Variants in TMEM268 observed in about 807,000 individuals in gnomAD.
TMEM268 encodes transmembrane protein 268, also known as transmembrane protein C9orf91.
In TMEM268, 24 loss-of-function variants were observed where a neutral mutation model predicts 39.1. The observed-to-expected ratio is 0.61, with a 90% confidence interval of 0.44 to 0.86. The LOEUF (loss-of-function observed/expected upper bound fraction) is 0.86. Among genes scored for constraint, TMEM268 ranks in the 40% least tolerant of loss-of-function variants. TMEM268 has a pLI of 0.00. For synonymous variants in TMEM268, 176 were observed against 173.5 expected (o/e 1.01, Z -0.12); for missense variants, 409 against 428.6 (o/e 0.95, Z 0.40).
chr9:114,624,451 G>T lies in TMEM268; in HGVS notation c.208G>T (p.Gly70Cys). 6.4e-7 allele frequency: 1 copy of T among 1,574,406 alleles called. No homozygotes were observed. Among genetic ancestry groups the T allele is most frequent in the Non-Finnish European group, 8.6e-7 (1 of 1,157,910 alleles). ...GAAEEQLQTWGIQVPADQYRS... is the reference protein window; with the variant it reads ...GAAEEQLQTWCIQVPADQYRS... ...CGCAGAAGAGCAACTGCAAACTTGG[G>T]GCATCCAGGTGAGTGCTGATTTCCT... The change falls in exon 3 of 9, where the codon GGC (glycine) becomes TGC (cysteine). Residue 70 changes from glycine to cysteine, a missense_variant. Physicochemically the swap from Gly to Cys is radical, Grantham distance 159 (BLOSUM62 -3). Coordinates refer to ENST00000288502, the MANE Select transcript of TMEM268 (RefSeq NM_153045.4).
At chr9:114,630,645 C>A (rs1450225600) in intron 5 of TMEM268, among the ~76,000 whole-genome samples, 3 of 152,178 alleles carry the variant, frequency 2.0e-5, no homozygotes, top group Admixed American at 6.5e-5. Context: ...TTGTAGCTCC[C>A]TCATAGGGTT....
chr9:114,609,889 A>G (rs1265041377), upstream of TMEM268, among the ~76,000 whole-genome samples: 1 of 152,202 alleles, frequency 6.6e-6, no homozygotes, highest in Non-Finnish European at 1.5e-5. Context: ...AGGCTGTGGC[A>G]TGTTTGCGTG....
upstream of TMEM268, among the ~76,000 whole-genome samples, chr9:114,611,019 G>A (rs1456070683): frequency 2.0e-5 from 3 of 152,170 alleles, no homozygotes; most frequent in African/African-American, 2.4e-5. Flanking sequence ...TCAGGAGTCC[G>A]ATAGCAGCCT....
At chr9:114,632,919 C>T (rs1461771003) in intron 5 of TMEM268, among the ~76,000 whole-genome samples, 4 of 152,320 alleles carry the variant, frequency 2.6e-5, no homozygotes, top group East Asian at 1.9e-4. Flanking sequence ...TAGGAAGCAG[C>T]AGAGCTGGGC....
chr9:114,624,416 A>G lies in TMEM268; in HGVS notation c.173A>G (p.Asp58Gly), dbSNP rs141947504. ...AATACCTGTGCACCCATCTCCTTCG[A>G]CCTGGGAGCCGCAGAAGAGCAACTG... Reference protein sequence around the residue: ...IDNTCAPISFDLGAAEEQLQT... With the variant: ...IDNTCAPISFGLGAAEEQLQT... The change falls in exon 3 of 9, where the codon GAC becomes GGC. Residue 58 changes from aspartate (D) to glycine (G), a missense_variant. Transcript: ENST00000288502. 7 of 1,596,810 alleles carry G rather than the reference A, an allele frequency of 4.4e-6. No homozygotes were observed. In the African/African-American group the frequency reaches 9.4e-5, roughly 21 times the overall value.
chr9:114,633,381 C>T (rs1811141), intron 5 of TMEM268, among the ~76,000 whole-genome samples: 31,978 of 151,904 alleles, frequency 0.21, 3,619 homozygotes, highest in African/African-American at 0.29. Context: ...AGGCTGGTCT[C>T]GAACTCCTGA....
At chr9:114,616,229 A>T (rs567091659) in intron 1 of TMEM268, among the ~76,000 whole-genome samples, 1 of 149,686 alleles carries the variant, frequency 6.7e-6, no homozygotes, top group Non-Finnish European at 1.5e-5. Flanking sequence ...GTTAGCCAGG[A>T]TGGTCTCGAT....
At chr9:114,633,307 G>A (rs570799929) in intron 5 of TMEM268, among the ~76,000 whole-genome samples, 6 of 152,054 alleles carry the variant, frequency 3.9e-5, no homozygotes, top group African/African-American at 1.2e-4. Flanking sequence ...GACTACAGGT[G>A]TGTGTCACCA....
At chr9:114,627,437 C>T (rs1378660008) in intron 4 of TMEM268, among the ~76,000 whole-genome samples, 1 of 152,084 alleles carries the variant, frequency 6.6e-6, no homozygotes, top group Non-Finnish European at 1.5e-5. Flanking sequence ...TATATGTATA[C>T]ATCTTCATAT....
rs1204561520 is a variant in TMEM268 at position 114,645,970 on chromosome 9, T to A, written c.*2657T>A. The A allele has an allele frequency of 7.2e-5, 11 of 152,188 alleles. No homozygotes were observed. Among genetic ancestry groups the A allele is most frequent in the East Asian group, 1.9e-4 (1 of 5,194 alleles). The allele number at this position is 152,188 out of a possible 1,614,324, so 9.4% of individuals were successfully genotyped here. A position where few individuals can be genotyped will look rare whatever the true frequency, so the allele number is the denominator to read the frequency against. On this transcript the variant is annotated 3_prime_UTR_variant, in exon 9 of 9. Coordinates refer to ENST00000288502, the MANE Select transcript of TMEM268 (RefSeq NM_153045.4). The stretch of plus-strand genomic sequence containing the variant: ...AATTTTATTTAATTTTTATTTATTT[T>A]TTTTTAAATGTAATTTTTTCAGAGA...
At chr9:114,636,752 C>T (rs988416236) in intron 6 of TMEM268, among the ~76,000 whole-genome samples, 7 of 152,134 alleles carry the variant, frequency 4.6e-5, no homozygotes, top group East Asian at 1.9e-4. Flanking sequence ...CTGCCTGCCT[C>T]GGCCTCCCAC....
intron 3 of TMEM268, among the ~76,000 whole-genome samples, chr9:114,626,585 C>T (rs1846169077): frequency 6.6e-6 from 1 of 152,222 alleles, no homozygotes; most frequent in East Asian, 1.9e-4. Flanking sequence ...TCACACAGCA[C>T]ATGAGTGGCA....
At chr9:114,607,191 T>C (rs773804807), upstream of TMEM268, among the ~76,000 whole-genome samples, 15 of 152,216 alleles carry the variant, frequency 9.9e-5, no homozygotes, top group Non-Finnish European at 1.9e-4. Flanking sequence ...TATTTATTCA[T>C]TCACTACTTC....
intron 8 of TMEM268, among the ~76,000 whole-genome samples, chr9:114,641,625 C>T (rs1248865998): frequency 2.0e-5 from 3 of 151,902 alleles, no homozygotes; most frequent in Non-Finnish European, 4.4e-5. Flanking sequence ...GCCTGAGCAA[C>T]ATAGTAAGAT....
At chr9:114,621,717 A>G (rs1845953032) in intron 2 of TMEM268, among the ~76,000 whole-genome samples, 1 of 152,146 alleles carries the variant, frequency 6.6e-6, no homozygotes, top group Admixed American at 6.5e-5. Flanking sequence ...AGCTAGGTAG[A>G]CGTGTCCTAG....
At chr9:114,642,243 C>T (rs1405784948) in intron 8 of TMEM268, among the ~76,000 whole-genome samples, 1 of 152,162 alleles carries the variant, frequency 6.6e-6, no homozygotes, top group Non-Finnish European at 1.5e-5. Flanking sequence ...ACTTTCTCTC[C>T]CTGTGAACTG....
intron 2 of TMEM268, 60 bp downstream of exon 2, chr9:114,617,361 A>G: frequency 3.1e-6 from 4 of 1,298,342 alleles, no homozygotes; most frequent in Non-Finnish European, 4.4e-6. Flanking sequence ...CTGGACTCAC[A>G]GGGCACAGAA....
rs1431761425 is a variant in TMEM268 at position 114,646,068 on chromosome 9, C to T, written c.*2755C>T. On this transcript the variant is annotated 3_prime_UTR_variant, in exon 9 of 9. Coordinates refer to ENST00000288502, the MANE Select transcript of TMEM268 (RefSeq NM_153045.4). ...CAAGTGATCCTCCTGCCTTGGCCTC[C>T]CATGCTGCTGGGATTACAGGTGTGA... The T allele has an allele frequency of 6.6e-6, 1 of 152,120 alleles. No individual in the cohort carries two copies. The highest frequency in any genetic ancestry group is 1.5e-5 in the Non-Finnish European group (1 of 68,070). The allele number at this position is 152,120 out of a possible 1,614,324, so 9.4% of individuals were successfully genotyped here.
chr9:114,619,563 T>C (rs569037524), intron 2 of TMEM268, among the ~76,000 whole-genome samples: 1 of 152,328 alleles, frequency 6.6e-6, no homozygotes, highest in Non-Finnish European at 1.5e-5. Flanking sequence ...TCTCCATGCG[T>C]GGAGTCCAAA....
Sources: gnomAD v4.1 joint callset for allele counts (sites outside exome capture counted in the v4.1 genomes callset) on GRCh38, gnomAD v4.1.1 for gene constraint, MANE v1.5 for transcripts, NCBI Gene and HGNC (gene_info 2026-07-23, HGNC 2026-07-21) for gene names.